Variants in DSCAML1 observed in about 807,000 individuals in gnomAD.
DSCAML1 encodes the protein cell adhesion molecule DSCAML1.
Under a neutral mutation model 200.5 loss-of-function variants are expected in DSCAML1, and 38 were observed. The ratio of observed to expected loss-of-function variants is 0.19; its 90% confidence interval spans 0.15 to 0.25. DSCAML1 has a LOEUF of 0.25. DSCAML1 is among the 10% of genes least tolerant of loss of function. The pLI is 1.00. For synonymous variants in DSCAML1, 1,215 were observed against 1,165.0 expected (o/e 1.04, Z -0.87); for missense variants, 2,223 against 2,858.8 (o/e 0.78, Z 5.07).
At chr11:117,619,886 G>A (rs987525210) in intron 3 of DSCAML1, among the ~76,000 whole-genome samples, 3 of 152,078 alleles carry the variant, frequency 2.0e-5, no homozygotes, top group Non-Finnish European at 2.9e-5. Flanking sequence ...TGTGGACTTC[G>A]GAGCAAAATA....
intron 3 of DSCAML1, among the ~76,000 whole-genome samples, chr11:117,592,853 T>C (rs147777073): frequency 1.5e-3 from 229 of 152,364 alleles, no homozygotes; most frequent in African/African-American, 5.4e-3. Flanking sequence ...GGCTCCGTGC[T>C]GCTGCACTGA....
rs142739371 is a variant in DSCAML1, at chr11:117,775,281, A to G, written c.511+1510T>C. Among the ~76,000 whole-genome samples, 1,259 of 152,264 alleles carry G rather than the reference A, an allele frequency of 8.3e-3. 11 individuals carry two copies. The highest frequency in any genetic ancestry group is 0.024 in the African/African-American group (999 of 41,550). On this transcript the variant is annotated intron_variant, in intron 3 of 32. Coordinates refer to ENST00000651296, the MANE Select transcript of DSCAML1 (RefSeq NM_020693.4). ...CCTCAGACCCTGCAGGACCCCACAC[A>G]GCCACCCCTGCGGGGTCCAACCGCT...
intron 3 of DSCAML1, among the ~76,000 whole-genome samples, chr11:117,582,291 A>C (rs898958394): frequency 6.6e-6 from 1 of 152,190 alleles, no homozygotes; most frequent in Non-Finnish European, 1.5e-5. Flanking sequence ...ACTGTTCTCT[A>C]TTCCTTTGGA....
At chr11:117,701,635 C>T (rs2053669198) in intron 3 of DSCAML1, among the ~76,000 whole-genome samples, 2 of 152,138 alleles carry the variant, frequency 1.3e-5, no homozygotes, top group South Asian at 4.1e-4. Context: ...GTGTTTCCAT[C>T]CCATTCTCAC....
chr11:117,816,571 C>G (rs1441264992), intron 1 of DSCAML1, among the ~76,000 whole-genome samples: 3 of 152,174 alleles, frequency 2.0e-5, no homozygotes, highest in Non-Finnish European at 4.4e-5. Flanking sequence ...AGCAGCCCTG[C>G]CGAGCAGAGC....
intron 3 of DSCAML1, among the ~76,000 whole-genome samples, chr11:117,747,737 CAGG>C (rs200339394): frequency 0.019 from 2,964 of 152,216 alleles, 86 homozygotes; most frequent in African/African-American, 0.067. Flanking sequence ...CCTCAGGTAA[CAGG>C]AGAAGGACAA....
intron 3 of DSCAML1, among the ~76,000 whole-genome samples, chr11:117,743,808 C>T (rs1453084415): frequency 6.6e-6 from 1 of 152,202 alleles, no homozygotes; most frequent in African/African-American, 2.4e-5. Flanking sequence ...CAAACACACC[C>T]GCAGCCTGCC....
At chr11:117,713,894 T>A (rs1177931536) in intron 3 of DSCAML1, among the ~76,000 whole-genome samples, 1 of 152,168 alleles carries the variant, frequency 6.6e-6, no homozygotes, top group Non-Finnish European at 1.5e-5. Context: ...CAGCCACTCA[T>A]CTTTGCACCT....
intron 3 of DSCAML1, among the ~76,000 whole-genome samples, chr11:117,732,254 T>TA (rs2054235347): frequency 6.6e-6 from 1 of 152,198 alleles, no homozygotes; most frequent in Non-Finnish European, 1.5e-5. Flanking sequence ...AGTATTATTA[T>TA]TTTCCAGTTT....
At chr11:117,630,889 G>T (rs1231054676) in intron 3 of DSCAML1, among the ~76,000 whole-genome samples, 1 of 152,100 alleles carries the variant, frequency 6.6e-6, no homozygotes, top group Non-Finnish European at 1.5e-5. Flanking sequence ...TCAGCAGGTC[G>T]CATGAACTCT....
At chr11:117,581,307 G>T (rs768322967) in intron 3 of DSCAML1, among the ~76,000 whole-genome samples, 1 of 152,024 alleles carries the variant, frequency 6.6e-6, no homozygotes, top group African/African-American at 2.4e-5. Flanking sequence ...TTTTATGGAG[G>T]GGTCAGATTT....
intron 23 of DSCAML1, 131 bp from the exon 24 acceptor site, chr11:117,439,114 G>A: frequency 7.4e-7 from 1 of 1,344,066 alleles, no homozygotes; most frequent in Non-Finnish European, 1.0e-6. Flanking sequence ...CAGCTCTCCT[G>A]CCTCCCCTTC....
chr11:117,575,635 A>C (rs971164625), intron 3 of DSCAML1, among the ~76,000 whole-genome samples: 1 of 152,304 alleles, frequency 6.6e-6, no homozygotes, highest in African/African-American at 2.4e-5. Context: ...AAATAGGCAG[A>C]GCTTTGCTCT....
chr11:117,465,407 A>G (rs1266838560), intron 16 of DSCAML1, among the ~76,000 whole-genome samples: 1 of 152,038 alleles, frequency 6.6e-6, no homozygotes, highest in Non-Finnish European at 1.5e-5. Flanking sequence ...CCTGCGCCCC[A>G]GCACTCTGGC....
At chr11:117,521,479 AGT>A in intron 5 of DSCAML1, 74 bp from the exon 6 acceptor site, 1 of 1,503,606 alleles carries the variant, frequency 6.7e-7, no homozygotes, top group African/African-American at 1.4e-5. Context: ...CTGTGAGTGG[AGT>A]GTAGCTGGGG....
chr11:117,585,705 T>G (rs1591294820), intron 3 of DSCAML1, among the ~76,000 whole-genome samples: 1 of 152,282 alleles, frequency 6.6e-6, no homozygotes, highest in South Asian at 2.1e-4. Flanking sequence ...CTCACTGCAA[T>G]GCAGGATGTA....
In DSCAML1 at chr11:117,504,052, GTC is replaced by G; in HGVS notation, c.2183-33_2183-32del. On this transcript the variant is annotated intron_variant, in intron 10 of 32. Transcript: ENST00000651296. This position sits in a 1 kb window ranked among gnomAD's most constrained non-coding sequence, Gnocchi z 5.0. ...AGGAGGCAGCTGTTAGGAGGGCTGA[GTC>G]TGCACTGGGGCATAAGCTGAGAGTG... is the stretch of plus-strand genomic sequence containing the variant. 2 of 1,609,724 alleles carry G rather than the reference GTC, an allele frequency of 1.2e-6. No homozygotes were observed. The highest frequency in any genetic ancestry group is 1.1e-5 in the South Asian group (1 of 90,526).
rs114054517 is a variant in DSCAML1 at position 117,498,752 on chromosome 11, C to T, written c.2359+5093G>A. ...TCTCAAGTCCCCACGAGAGTTTGGC[C>T]CCAAGCTCCCCGCTCCTGATGTTGT... On this transcript the variant is annotated intron_variant, in intron 11 of 32. Coordinates refer to ENST00000651296, the MANE Select transcript of DSCAML1 (RefSeq NM_020693.4). The surrounding 1 kb of genome is among the most constrained non-coding windows in gnomAD (Gnocchi z 4.0). 9.3e-4 allele frequency among the ~76,000 whole-genome samples: 141 copies of T among 152,264 alleles called. No homozygotes were observed. The highest frequency in any genetic ancestry group is 2.9e-3 in the African/African-American group (120 of 41,542).
At chr11:117,604,929 A>G (rs1299560740) in intron 3 of DSCAML1, among the ~76,000 whole-genome samples, 1 of 152,188 alleles carries the variant, frequency 6.6e-6, no homozygotes, top group Admixed American at 6.5e-5. Context: ...GGCCTGTGGC[A>G]CACAGGCTGT....
Sources: gnomAD v4.1 joint callset for allele counts (sites outside exome capture counted in the v4.1 genomes callset) on GRCh38, gnomAD v4.1.1 for gene constraint, Gnocchi (gnomAD v3.1) non-coding constraint, MANE v1.5 for transcripts, NCBI Gene and HGNC (gene_info 2026-07-23, HGNC 2026-07-21) for gene names.